Variants in CCM2 observed in about 807,000 individuals in gnomAD.
CCM2 encodes CCM2 scaffold protein.
In CCM2, 25 loss-of-function variants were observed where a neutral mutation model predicts 44.9. That is an observed-to-expected ratio of 0.56 (90% CI 0.41 to 0.78). CCM2 has a LOEUF of 0.78. CCM2 is among the 30% of genes least tolerant of loss of function. The pLI is 0.00. For missense variants in CCM2, 481 were observed against 580.6 expected, an observed-to-expected ratio of 0.83 and a Z score of 1.76; for synonymous variants, 219 against 241.1, an observed-to-expected ratio of 0.91 and a Z score of 0.85.
chr7:45,032,092 G>A (rs891346917), intron 1 of CCM2, among the ~76,000 whole-genome samples: 1 of 152,184 alleles, frequency 6.6e-6, no homozygotes, highest in Admixed American at 6.5e-5. Flanking sequence ...GAATGGGTAG[G>A]AGTGGCAGAG....
intron 7 of CCM2, chr7:45,073,074 CCT>C (rs1799159319): frequency 1.7e-6 from 1 of 591,894 alleles, no homozygotes; most frequent in South Asian, 2.0e-5. Context: ...CCTGCCCGAG[CCT>C]GCCGAGGCGC....
Position 45,076,182 on chromosome 7 carries a change from G to A in CCM2, c.*125G>A. Reference sequence around the variant, plus strand: ...CAGGGAGAGGCGCCCGGTGCAGATGGCCCCGGGCGGCCCAGGTCCTCTACT... The same window carrying A: ...CAGGGAGAGGCGCCCGGTGCAGATGACCCCGGGCGGCCCAGGTCCTCTACT... On this transcript the variant is annotated 3_prime_UTR_variant, in exon 10 of 10. Transcript: ENST00000258781. 1 of 1,352,118 alleles carries A rather than the reference G, an allele frequency of 7.4e-7. No homozygotes were observed. The highest frequency in any genetic ancestry group is 1.0e-6 in the Non-Finnish European group (1 of 978,188). 83.8% of individuals were successfully genotyped at this position (1,352,118 alleles called of 1,614,324 possible).
intron 1 of CCM2, among the ~76,000 whole-genome samples, chr7:45,005,849 C>T (rs1223023384): frequency 6.6e-6 from 1 of 152,222 alleles, no homozygotes; most frequent in East Asian, 1.9e-4. Flanking sequence ...CTGTGTCCTG[C>T]AGTTCAGAAG....
Position 45,076,101 on chromosome 7 carries a change from C to A in CCM2, c.*44C>A, listed in dbSNP as rs764537037. On this transcript the variant is annotated 3_prime_UTR_variant, in exon 10 of 10. Transcript: ENST00000258781. ...GCACCCACACCTTCCGCGCAGTCGT[C>A]ATAGGCCTTCCCAGAAGGAGCTGCC... The A allele has an allele frequency of 1.2e-6, 2 of 1,610,522 alleles. No homozygotes were observed. The highest frequency in any genetic ancestry group is 1.1e-5 in the South Asian group (1 of 90,816).
intron 2 of CCM2, among the ~76,000 whole-genome samples, chr7:45,040,617 A>G (rs1797444657): frequency 6.6e-6 from 1 of 152,328 alleles, no homozygotes; most frequent in South Asian, 2.1e-4. Flanking sequence ...TCCTGTCATG[A>G]TGACTAGACA....
intron 1 of CCM2, among the ~76,000 whole-genome samples, chr7:45,010,160 C>T (rs1796011709): frequency 6.6e-6 from 1 of 152,172 alleles, no homozygotes; most frequent in Admixed American, 6.5e-5. Flanking sequence ...ATCCTTCTGT[C>T]TCGGCCTGCC....
At position 45,075,844 on chromosome 7, in the gene CCM2, G is replaced by T. The variant is rs1316395772; in HGVS notation, c.1122G>T (p.Val374=). Residue 374 remains valine, a synonymous_variant, in exon 10 of 10, where the codon GTG becomes GTT. Coordinates refer to ENST00000258781, the MANE Select transcript of CCM2 (RefSeq NM_031443.4). The part of the protein sequence containing the change: ...HFENFLETIG[V]KDGRGIITDS... ...AGAACTTCCTGGAGACCATTGGCGT[G>T]AAGGATGGCCGCGGCATCATCACTG... 1 of 1,613,786 alleles carries T rather than the reference G, an allele frequency of 6.2e-7. No individual in the cohort carries two copies. The highest frequency in any genetic ancestry group is 8.5e-7 in the Non-Finnish European group (1 of 1,180,026).
chr7:45,020,939 A>G (rs1193599341), intron 1 of CCM2, among the ~76,000 whole-genome samples: 1 of 152,164 alleles, frequency 6.6e-6, no homozygotes, highest in East Asian at 1.9e-4. Context: ...CTTGGTATTT[A>G]TTTCAAACAC....
At chr7:45,021,566 A>C (rs1479471676) in intron 1 of CCM2, among the ~76,000 whole-genome samples, 6 of 151,372 alleles carry the variant, frequency 4.0e-5, no homozygotes, top group Admixed American at 3.3e-4. Flanking sequence ...TCTTTCTCAA[A>C]AAAAAAAAAT....
At chr7:45,003,837 A>G (rs1795742367) in intron 1 of CCM2, among the ~76,000 whole-genome samples, 2 of 152,216 alleles carry the variant, frequency 1.3e-5, no homozygotes, top group African/African-American at 2.4e-5. Flanking sequence ...ACACTGATCA[A>G]AGTTAAATAT....
At position 45,074,352 on chromosome 7, in the gene CCM2, A is replaced by T; in HGVS notation, c.998A>T (p.Glu333Val). The change falls in exon 9 of 10, where the codon GAG becomes GTG. Residue 333 changes from glutamate to valine, a missense_variant. Physicochemically the swap from Glu to Val is moderately radical, Grantham distance 121. Coordinates refer to ENST00000258781, the MANE Select transcript of CCM2 (RefSeq NM_031443.4). ...TACCGCAATGGGGCCTCTATCCACG[A>T]GTTCTGCATCAACCTGCGGCAGCTC... Reference protein sequence around the residue: ...HEYRNGASIHEFCINLRQLYG... With the variant: ...HEYRNGASIHVFCINLRQLYG... The T allele has an allele frequency of 6.2e-7, 1 of 1,613,810 alleles. No homozygotes were observed. Among genetic ancestry groups the T allele is most frequent in the African/African-American group, 1.3e-5 (1 of 75,074 alleles).
Position 45,075,880 on chromosome 7 carries a change from C to A in CCM2, c.1158C>A (p.Gly386=). ...DGRGIITDSF[G]RHRRALSTTS... ...GCGGCATCATCACTGACAGCTTTGGCAGGCACCGGCGGGCCCTGAGCACCA... is the reference window on the plus strand; with the variant it reads ...GCGGCATCATCACTGACAGCTTTGGAAGGCACCGGCGGGCCCTGAGCACCA... The change falls in exon 10 of 10, where the codon GGC becomes GGA. Residue 386 remains glycine (G), a synonymous_variant. Coordinates refer to ENST00000258781, the MANE Select transcript of CCM2 (RefSeq NM_031443.4). The A allele has an allele frequency of 1.2e-6, 2 of 1,613,398 alleles. No individual in the cohort carries two copies. The highest frequency in any genetic ancestry group is 1.7e-6 in the Non-Finnish European group (2 of 1,180,046).
At chr7:45,032,593 G>A (rs909515813) in intron 1 of CCM2, among the ~76,000 whole-genome samples, 3 of 152,094 alleles carry the variant, frequency 2.0e-5, no homozygotes, top group Non-Finnish European at 4.4e-5. Flanking sequence ...TTACTACTTC[G>A]GCTTGACTGT....
At chr7:45,014,749 GT>G (rs1562861068) in intron 1 of CCM2, among the ~76,000 whole-genome samples, 2 of 151,120 alleles carry the variant, frequency 1.3e-5, no homozygotes, top group Non-Finnish European at 2.9e-5. Context: ...AGCCTCCCCA[GT>G]AGCTGGGATC....
rs1562907342 is a variant in CCM2, at chr7:45,064,449, G to A, written c.289-14G>A. ...GCTGAGTCTGTATTTCTGATGCCCT[G>A]TGGTTCCTTCCAGAGAGCCCACCAG... On this transcript the variant is annotated splice_polypyrimidine_tract_variant and intron_variant, in intron 3 of 9. Transcript: ENST00000258781. The A allele has an allele frequency of 6.8e-6, 11 of 1,612,504 alleles. No individual in the cohort carries two copies. Among genetic ancestry groups the A allele is most frequent in the Non-Finnish European group, 9.3e-6 (11 of 1,179,790 alleles).
chr7:45,040,384 A>G (rs1164636963), intron 2 of CCM2, among the ~76,000 whole-genome samples: 2 of 152,106 alleles, frequency 1.3e-5, no homozygotes, highest in South Asian at 2.1e-4. Context: ...GTCTCAAAAA[A>G]AAAAGTAAAA....
chr7:45,039,069 G>A (rs1583903770), intron 2 of CCM2, among the ~76,000 whole-genome samples: 1 of 152,340 alleles, frequency 6.6e-6, no homozygotes, highest in African/African-American at 2.4e-5. Flanking sequence ...CCAGACCCGA[G>A]TTCCTGCAGA....
At chr7:45,031,251 G>A (rs1204517011) in intron 1 of CCM2, among the ~76,000 whole-genome samples, 1 of 150,688 alleles carries the variant, frequency 6.6e-6, no homozygotes, top group Non-Finnish European at 1.5e-5. Flanking sequence ...GTGTGGTGGT[G>A]CACACCTGTA....
intron 5 of CCM2, among the ~76,000 whole-genome samples, chr7:45,069,257 T>C (rs963550264): frequency 6.6e-6 from 1 of 152,250 alleles, no homozygotes; most frequent in East Asian, 1.9e-4. Flanking sequence ...TAATTTTCCA[T>C]TGTGGGAGGC....
Sources: allele counts gnomAD v4.1 joint callset (sites outside exome capture counted in the v4.1 genomes callset), GRCh38; gene constraint gnomAD v4.1.1; transcripts MANE v1.5; gene names NCBI Gene and HGNC (gene_info 2026-07-23, HGNC 2026-07-21).